The following ATPSCKMT variants were observed in gnomAD, a reference collection of about 807,000 sequenced individuals.
The protein encoded by ATPSCKMT is ATP synthase c subunit lysine N-methyltransferase.
Under a neutral mutation model 24.3 loss-of-function variants are expected in ATPSCKMT, and 24 were observed. The ratio of observed to expected loss-of-function variants is 0.99; its 90% confidence interval spans 0.71 to 1.39. The LOEUF is 1.39. Among genes scored for constraint, ATPSCKMT ranks in the 40% most tolerant of loss-of-function variants. The probability of loss-of-function intolerance (pLI) is 0.00; values close to 1 mark genes in which losing one functional copy is unlikely to be tolerated. For missense variants in ATPSCKMT, 311 were observed against 298.4 expected, an observed-to-expected ratio of 1.04 and a Z score of -0.31; for synonymous variants, 95 against 110.5, an observed-to-expected ratio of 0.86 and a Z score of 0.88.
chr5:10,235,609 C>A (rs1350961683), intron 3 of ATPSCKMT, among the ~76,000 whole-genome samples: 1 of 152,154 alleles, frequency 6.6e-6, no homozygotes, highest in African/African-American at 2.4e-5. Flanking sequence ...ACCGGGGCCA[C>A]GTGTTCCCGC....
intron 1 of ATPSCKMT, among the ~76,000 whole-genome samples, chr5:10,245,489 T>C (rs1301111582): frequency 6.6e-6 from 1 of 152,102 alleles, no homozygotes; most frequent in Non-Finnish European, 1.5e-5. Flanking sequence ...CTCATGCATG[T>C]AATCCCAGCA....
rs1743869638 is a variant in ATPSCKMT, at chr5:10,226,195, A to T, written c.*1246T>A. 1 of 152,258 alleles carries T rather than the reference A, an allele frequency of 6.6e-6. No individual in the cohort carries two copies. Among genetic ancestry groups the T allele is most frequent in the Non-Finnish European group, 1.5e-5 (1 of 68,048 alleles). The allele number at this position is 152,258 out of a possible 1,614,324, so 9.4% of individuals were successfully genotyped here. A position where few individuals can be genotyped will look rare whatever the true frequency, so the allele number is the denominator to read the frequency against. On this transcript the variant is annotated 3_prime_UTR_variant, in exon 5 of 5. Coordinates refer to ENST00000511437, the MANE Select transcript of ATPSCKMT (RefSeq NM_199133.4). ...CTCTCCTTTCCAGAATAGGAATTCC[A>T]TGAGGCCAGGGGCTTTGCATGTCTA...
Position 10,227,396 on chromosome 5 carries a change from A to G in ATPSCKMT, c.*45T>C. 2 of 1,594,566 alleles carry G rather than the reference A, an allele frequency of 1.3e-6. No homozygotes were observed. The highest frequency in any genetic ancestry group is 2.2e-5 in the South Asian group (2 of 90,718). ...GGACACAGCTGTAAGTCTCTACAAG[A>G]TCAGGGAAGACTACAATATTTCAGA... On this transcript the variant is annotated 3_prime_UTR_variant, in exon 5 of 5. Transcript: ENST00000511437.
intron 1 of ATPSCKMT, among the ~76,000 whole-genome samples, chr5:10,247,286 CATCCAATATAGGAT>C (rs370450165): frequency 1.3e-5 from 2 of 152,340 alleles, no homozygotes; most frequent in East Asian, 3.9e-4. Flanking sequence ...TTACTATGTA[CATCCAATATAGGAT>C]GTACAATATA....
Position 10,246,283 on chromosome 5 carries a change from A to AT in ATPSCKMT, c.16+3574_16+3575insA, listed in dbSNP as rs1038376795. Among the ~76,000 whole-genome samples the AT allele has an allele frequency of 1.5e-4, 23 of 152,192 alleles. No homozygotes were observed. In the East Asian group the frequency reaches 3.3e-3, roughly 22 times the overall value. On this transcript the variant is annotated intron_variant, in intron 1 of 4. Transcript: ENST00000511437. ...CAACTCTACTAAAATACCAAAAAAAAATTAGCCAGGCATGGTGGTGCACAC... is the reference window on the plus strand; with the variant it reads ...CAACTCTACTAAAATACCAAAAAAAATATTAGCCAGGCATGGTGGTGCACAC...
intron 1 of ATPSCKMT, among the ~76,000 whole-genome samples, chr5:10,243,550 AACTTGCTGCGGCTTCTCCATCAGC>A (rs1210046473): frequency 6.6e-6 from 1 of 152,190 alleles, no homozygotes; most frequent in Non-Finnish European, 1.5e-5. Flanking sequence ...TCTTCTAGAT[AACTTGCTGCGGCTTCTCCATCAGC>A]ACTTGCTGCT....
chr5:10,232,377 T>C (rs554415358), intron 4 of ATPSCKMT, among the ~76,000 whole-genome samples: 18 of 152,346 alleles, frequency 1.2e-4, no homozygotes, highest in Admixed American at 2.6e-4. Context: ...GCTGCGGTGC[T>C]GGAGGCCTGG....
chr5:10,237,003 G>T (rs915141676), intron 2 of ATPSCKMT: 2 of 1,304,076 alleles, frequency 1.5e-6, no homozygotes, highest in Non-Finnish European at 2.0e-6. Context: ...CTGGGAGGAT[G>T]GTTTTGTGAA....
intron 4 of ATPSCKMT, among the ~76,000 whole-genome samples, chr5:10,232,928 C>T (rs543384344): frequency 5.2e-5 from 8 of 152,384 alleles, no homozygotes; most frequent in African/African-American, 1.9e-4. Context: ...TCATGTTAAA[C>T]ATGGATGTTC....
intron 4 of ATPSCKMT, among the ~76,000 whole-genome samples, chr5:10,228,322 A>G (rs1322906554): frequency 1.3e-5 from 2 of 152,242 alleles, no homozygotes; most frequent in African/African-American, 2.4e-5. Context: ...GCACAATTCT[A>G]CCAACTGGAA....
chr5:10,236,467 G>C lies in ATPSCKMT; in HGVS notation c.444+11C>G. 6.2e-7 allele frequency: 1 copy of C among 1,613,438 alleles called. No homozygotes were observed. Among genetic ancestry groups the C allele is most frequent in the Non-Finnish European group, 8.5e-7 (1 of 1,179,754 alleles). ...TTGGATTTCTCTAGGGCCATTCTCT[G>C]CCTTACATACCTTCCACAAATCTGA... On this transcript the variant is annotated intron_variant, in intron 3 of 4. Transcript: ENST00000511437.
Position 10,239,351 on chromosome 5 carries a change from G to A in ATPSCKMT, c.22C>T (p.Pro8Ser), listed in dbSNP as rs761594344. ...CTTTCTTCTTTAAGTGTTTCTAGGG[G>A]TATACCTAGATTGAAAGCAAGCAGA... Reference protein sequence around the residue: MEGGGGIPLETLKEESQS... With the variant: MEGGGGISLETLKEESQS... Residue 8 changes from proline (P) to serine (S), a missense_variant, in exon 2 of 5, where the codon CCC becomes TCC. Physicochemically the swap from Pro to Ser is moderately conservative, Grantham distance 74. Coordinates refer to ENST00000511437, the MANE Select transcript of ATPSCKMT (RefSeq NM_199133.4). 9.9e-6 allele frequency: 16 copies of A among 1,608,254 alleles called. No individual in the cohort carries two copies. Among genetic ancestry groups the A allele is most frequent in the East Asian group, 2.2e-5 (1 of 44,784 alleles).
chr5:10,244,897 TACCCTGGTTGTCAAAA>T (rs1744823381), intron 1 of ATPSCKMT, among the ~76,000 whole-genome samples: 1 of 129,828 alleles, frequency 7.7e-6, no homozygotes. Flanking sequence ...AACTGAGCAA[TACCCTGGTTGTCAAAA>T]AAAAAAAAAA....
At chr5:10,238,465 T>C (rs1433569659) in intron 2 of ATPSCKMT, among the ~76,000 whole-genome samples, 1 of 152,180 alleles carries the variant, frequency 6.6e-6, no homozygotes. Context: ...CTGGAACTTT[T>C]CAGCTTATCT....
intron 1 of ATPSCKMT, among the ~76,000 whole-genome samples, chr5:10,245,874 T>G (rs1007756499): frequency 5.3e-5 from 8 of 152,224 alleles, no homozygotes; most frequent in Admixed American, 2.0e-4. Flanking sequence ...GCTATTATTA[T>G]TCTCAATACT....
chr5:10,237,197 A>G (rs1180283082), intron 2 of ATPSCKMT, among the ~76,000 whole-genome samples: 2 of 152,204 alleles, frequency 1.3e-5, no homozygotes, highest in East Asian at 1.9e-4. Flanking sequence ...GATGTGGGGC[A>G]GTCCTGGGTT....
intron 3 of ATPSCKMT, among the ~76,000 whole-genome samples, chr5:10,235,583 G>C (rs1441194829): frequency 1.3e-5 from 2 of 152,182 alleles, no homozygotes; most frequent in East Asian, 3.9e-4. Context: ...TGACCCCACT[G>C]TGACCAGCTG....
At chr5:10,234,055 C>T (rs1195026746) in intron 4 of ATPSCKMT, among the ~76,000 whole-genome samples, 1 of 152,204 alleles carries the variant, frequency 6.6e-6, no homozygotes, top group East Asian at 1.9e-4. Flanking sequence ...AGACTGGGCA[C>T]AGTGGCTCAC....
chr5:10,249,066 G>A (rs1745134447), intron 1 of ATPSCKMT, among the ~76,000 whole-genome samples: 1 of 152,120 alleles, frequency 6.6e-6, no homozygotes, highest in South Asian at 2.1e-4. Flanking sequence ...TCAGCCGTTC[G>A]AGACCAGCCT....
Sources: allele counts gnomAD v4.1 joint callset (sites outside exome capture counted in the v4.1 genomes callset), GRCh38; gene constraint gnomAD v4.1.1; transcripts MANE v1.5; gene names NCBI Gene and HGNC (gene_info 2026-07-23, HGNC 2026-07-21).